The following RUNX2 variants were observed in gnomAD, a reference collection of about 807,000 sequenced individuals.
RUNX2 encodes the protein runt-related transcription factor 2.
Under a neutral mutation model 51.7 loss-of-function variants are expected in RUNX2, and 10 were observed. The observed-to-expected ratio is 0.19, with a 90% CI of 0.12 to 0.33. The LOEUF (loss-of-function observed/expected upper bound fraction) is 0.33, where lower values mean the gene tolerates loss of function less well. Ranked by LOEUF, RUNX2 falls within the 10% of genes least tolerant of loss-of-function variation. RUNX2 has a pLI of 1.00. For synonymous variants in RUNX2, 276 were observed against 273.6 expected (o/e 1.01, Z -0.09); for missense variants, 562 against 691.3 (o/e 0.81, Z 2.10).
intron 2 of RUNX2, among the ~76,000 whole-genome samples, chr6:45,414,453 A>G (rs1281919993): frequency 6.6e-6 from 1 of 152,216 alleles, no homozygotes; most frequent in Non-Finnish European, 1.5e-5. Context: ...TTTAGAAGCA[A>G]TAATTAAATA....
intron 5 of RUNX2, among the ~76,000 whole-genome samples, chr6:45,463,183 G>A (rs1799522985): frequency 6.6e-6 from 1 of 152,120 alleles, no homozygotes; most frequent in South Asian, 2.1e-4. Flanking sequence ...GGTCTTGTAA[G>A]CACAGGAAAT....
intron 3 of RUNX2, among the ~76,000 whole-genome samples, chr6:45,423,904 G>A (rs1275401231): frequency 6.6e-6 from 1 of 152,242 alleles, no homozygotes; most frequent in East Asian, 1.9e-4. Context: ...TCTGCGCCTC[G>A]CCCCGCCAGG....
chr6:45,384,928 C>A (rs1281731553), intron 2 of RUNX2, among the ~76,000 whole-genome samples: 1 of 151,768 alleles, frequency 6.6e-6, no homozygotes, highest in Non-Finnish European at 1.5e-5. Flanking sequence ...GATCTCAAAC[C>A]CCTGGCCTCA....
At chr6:45,519,372 C>A (rs1801428573) in intron 7 of RUNX2, among the ~76,000 whole-genome samples, 1 of 152,118 alleles carries the variant, frequency 6.6e-6, no homozygotes, top group Non-Finnish European at 1.5e-5. Context: ...AATTGATGAA[C>A]CAATATTGAT....
chr6:45,380,654 G>A (rs1797218458), intron 2 of RUNX2, among the ~76,000 whole-genome samples: 1 of 152,170 alleles, frequency 6.6e-6, no homozygotes, highest in Admixed American at 6.5e-5. Flanking sequence ...TCGGCTCACT[G>A]CAACTTCCTC....
At chr6:45,365,355 G>T in intron 2 of RUNX2, 1 of 1,158,590 alleles carries the variant, frequency 8.6e-7, no homozygotes, top group African/African-American at 1.6e-5. Context: ...ATAAGTAAAT[G>T]CAAAAAAAAA....
At chr6:45,420,988 A>G (rs1392114627) in intron 2 of RUNX2, 2 of 152,090 alleles carry the variant, frequency 1.3e-5, no homozygotes, top group East Asian at 3.8e-4. Flanking sequence ...GCGCTCCTTC[A>G]TCCTCTCGAC....
chr6:45,358,725 G>C (rs2150235395), intron 2 of RUNX2, among the ~76,000 whole-genome samples: 1 of 152,194 alleles, frequency 6.6e-6, no homozygotes, highest in Admixed American at 6.5e-5. Context: ...AAAGTTTTCA[G>C]ATTTTTGAAA....
chr6:45,454,476 C>A (rs1387540242), intron 5 of RUNX2, among the ~76,000 whole-genome samples: 2 of 152,136 alleles, frequency 1.3e-5, no homozygotes, highest in African/African-American at 4.8e-5. Flanking sequence ...TGCTAAATGC[C>A]TCTCTGCTAA....
chr6:45,482,273 A>G (rs562049385), intron 5 of RUNX2, among the ~76,000 whole-genome samples: 22 of 152,250 alleles, frequency 1.4e-4, no homozygotes, highest in Middle Eastern at 6.8e-3. Flanking sequence ...AAGTTTTTTT[A>G]GTCCATTATC....
In RUNX2 at chr6:45,371,886, CA is replaced by C. The variant is rs2150312576; in HGVS notation, c.58+43103del. On this transcript the variant is annotated intron_variant, in intron 2 of 8. Transcript: ENST00000647337. ...AATTTCCTCCAAATCCCTCATTTTT[CA>C]GGTGAGGAACTGAAGTCCAGAGGGG... is the stretch of plus-strand genomic sequence containing the variant. 1.0e-6 allele frequency: 1 copy of C among 953,542 alleles called. No homozygotes were observed. The highest frequency in any genetic ancestry group is 1.2e-6 in the Non-Finnish European group (1 of 800,896). 59.1% of individuals were successfully genotyped at this position (953,542 alleles called of 1,614,324 possible).
intron 2 of RUNX2, among the ~76,000 whole-genome samples, chr6:45,381,643 G>C (rs1797242972): frequency 6.6e-6 from 1 of 152,036 alleles, no homozygotes; most frequent in African/African-American, 2.4e-5. Context: ...TGCCCAGGCT[G>C]GTCTCAAACT....
chr6:45,463,635 T>A (rs2790101), intron 5 of RUNX2, among the ~76,000 whole-genome samples: 149,655 of 152,094 alleles, frequency 0.98, 73,638 homozygotes, highest in Middle Eastern at 1. Flanking sequence ...ATGCTTTTTT[T>A]AAAAAAATGA....
rs561097202 is a variant in RUNX2, at chr6:45,517,905, C to T, written c.1021+5498C>T. 1.3e-4 allele frequency among the ~76,000 whole-genome samples: 20 copies of T among 152,218 alleles called. No homozygotes were observed. In the South Asian group the frequency reaches 4.2e-3, roughly 32 times the overall value. ...TCTAAAATGTCCCTTATAACCCAGT[C>T]TCTATCAAGTCCACCGAGTCAAGTT... On this transcript the variant is annotated intron_variant, in intron 7 of 8. Transcript: ENST00000647337.
At chr6:45,491,427 T>C (rs1390696051) in intron 5 of RUNX2, among the ~76,000 whole-genome samples, 1 of 152,112 alleles carries the variant, frequency 6.6e-6, no homozygotes, top group Non-Finnish European at 1.5e-5. Flanking sequence ...AGAGTCTTAG[T>C]AAAGAGTAGT....
intron 2 of RUNX2, among the ~76,000 whole-genome samples, chr6:45,391,142 G>C (rs1322781269): frequency 6.6e-6 from 1 of 152,172 alleles, no homozygotes; most frequent in African/African-American, 2.4e-5. Flanking sequence ...GATATGGTTT[G>C]GATGTTTATC....
intron 2 of RUNX2, among the ~76,000 whole-genome samples, chr6:45,399,544 G>C (rs1049568303): frequency 5.9e-5 from 9 of 151,528 alleles, no homozygotes; most frequent in African/African-American, 2.2e-4. Flanking sequence ...ATTTTTAGTA[G>C]AGACGGGGTT....
intron 5 of RUNX2, among the ~76,000 whole-genome samples, chr6:45,453,653 A>C (rs1352955958): frequency 1.3e-5 from 2 of 152,220 alleles, no homozygotes; most frequent in Non-Finnish European, 2.9e-5. Flanking sequence ...TGCCTAAAGC[A>C]CAATCAAGAA....
chr6:45,485,794 T>G (rs1018350308), intron 5 of RUNX2, among the ~76,000 whole-genome samples: 3 of 150,882 alleles, frequency 2.0e-5, no homozygotes, highest in African/African-American at 7.3e-5. Context: ...CTAACTTTCC[T>G]TGTTTCTTCT....
Sources: allele counts gnomAD v4.1 joint callset (sites outside exome capture counted in the v4.1 genomes callset), GRCh38; gene constraint gnomAD v4.1.1; transcripts MANE v1.5; gene names NCBI Gene and HGNC (gene_info 2026-07-23, HGNC 2026-07-21).